Variants in MYBL1 observed in about 807,000 individuals in gnomAD.
The protein encoded by MYBL1 is MYB proto-oncogene like 1.
In MYBL1, 17 loss-of-function variants were observed where a neutral mutation model predicts 96.3. The ratio of observed to expected loss-of-function variants is 0.18; its 90% CI spans 0.12 to 0.26. The LOEUF is 0.26. Ranked by LOEUF, MYBL1 falls within the 10% of genes least tolerant of loss-of-function variation. The pLI, the probability that MYBL1 is intolerant of heterozygous loss-of-function variation, is 1.00. For synonymous variants in MYBL1, 282 were observed against 292.7 expected, an observed-to-expected ratio of 0.96 and a Z score of 0.37; for missense variants, 701 against 882.9, an observed-to-expected ratio of 0.79 and a Z score of 2.61.
chr8:66,592,531 T>C lies in MYBL1; in HGVS notation c.776A>G (p.Asp259Gly). The C allele has an allele frequency of 6.3e-7, 1 of 1,590,700 alleles. No homozygotes were observed. The highest frequency in any genetic ancestry group is 8.5e-7 in the Non-Finnish European group (1 of 1,171,368). ...TSAFIQQPFI[D>G]EDPDKEKKIK... ...TTTCTTTTCCTTATCAGGATCTTCATCAATGAAGGGTTGCTAAAATAAGTT... is the reference window on the plus strand; with the variant it reads ...TTTCTTTTCCTTATCAGGATCTTCACCAATGAAGGGTTGCTAAAATAAGTT... Residue 259 changes from aspartate to glycine, a missense_variant, in exon 8 of 16, where the codon GAT becomes GGT. Coordinates refer to ENST00000522677, the MANE Select transcript of MYBL1 (RefSeq NM_001080416.4).
chr8:66,580,613 T>G (rs1175814076), intron 8 of MYBL1, among the ~76,000 whole-genome samples: 1 of 152,198 alleles, frequency 6.6e-6, no homozygotes, highest in African/African-American at 2.4e-5. Context: ...GTCCAAACTC[T>G]TAGAATCTGG....
chr8:66,598,298 C>G (rs1809930305), intron 4 of MYBL1, among the ~76,000 whole-genome samples: 1 of 152,164 alleles, frequency 6.6e-6, no homozygotes, highest in African/African-American at 2.4e-5. Context: ...GGCATGATGG[C>G]TCAGCCTCTA....
chr8:66,589,538 G>A (rs1005914003), intron 8 of MYBL1, among the ~76,000 whole-genome samples: 6 of 151,868 alleles, frequency 4.0e-5, no homozygotes, highest in Non-Finnish European at 7.4e-5. Context: ...TGGAGTGCAG[G>A]GGTGTGATAA....
At position 66,602,463 on chromosome 8, in the gene MYBL1, T is replaced by G; in HGVS notation, c.81A>C (p.Lys27Asn). Residue 27 changes from lysine (K) to asparagine (N), a missense_variant, in exon 2 of 16, where the codon AAA (lysine) becomes AAC (asparagine). Lys to Asn is a moderately conservative substitution (Grantham distance 94). Coordinates refer to ENST00000522677, the MANE Select transcript of MYBL1 (RefSeq NM_001080416.4). ...ADHDYEVPQQ[K>N]GLKKLWNRVK... ...CTCTGTTCCAGAGTTTCTTCAGTCC[T>G]TTTTGTTGTGGTACTTCATAATCAT... 1 of 1,607,346 alleles carries G rather than the reference T, an allele frequency of 6.2e-7. No individual in the cohort carries two copies. Among genetic ancestry groups the G allele is most frequent in the South Asian group, 1.1e-5 (1 of 90,800 alleles).
chr8:66,605,573 C>T (rs1013982279), intron 1 of MYBL1, among the ~76,000 whole-genome samples: 3 of 152,182 alleles, frequency 2.0e-5, no homozygotes, highest in African/African-American at 7.2e-5. Context: ...GTAATCCCAG[C>T]ACTTTGGGAG....
chr8:66,575,908 T>A, intron 10 of MYBL1, 99 bp downstream of exon 10: 1 of 1,214,430 alleles, frequency 8.2e-7, no homozygotes, highest in Non-Finnish European at 1.1e-6. Flanking sequence ...ATTATTTTTA[T>A]ATGTTATCAA....
intron 1 of MYBL1, among the ~76,000 whole-genome samples, chr8:66,605,453 T>C (rs912215003): frequency 2.6e-5 from 4 of 152,042 alleles, no homozygotes; most frequent in Non-Finnish European, 5.9e-5. Context: ...GAACCTGAGT[T>C]TTGATGGAGT....
At chr8:66,597,252 C>T in intron 5 of MYBL1, 78 bp downstream of exon 5, 1 of 1,028,308 alleles carries the variant, frequency 9.7e-7, no homozygotes, top group Non-Finnish European at 1.3e-6. Context: ...TCATCGGGGA[C>T]TTGCAAATGT....
In MYBL1 at chr8:66,562,560, A is replaced by G. The variant is rs1359517743; in HGVS notation, c.*2137T>C. 1 of 152,654 alleles carries G rather than the reference A, an allele frequency of 6.6e-6. No homozygotes were observed. Among genetic ancestry groups the G allele is most frequent in the African/African-American group, 2.4e-5 (1 of 41,462 alleles). The allele number at this position is 152,654 out of a possible 1,614,324, so 9.5% of individuals were successfully genotyped here. ...TCCAATAAGCCCAGACTTATCCACA[A>G]TATATTACCATTTAGGATAATTTAA... On this transcript the variant is annotated 3_prime_UTR_variant, in exon 16 of 16. Coordinates refer to ENST00000522677, the MANE Select transcript of MYBL1 (RefSeq NM_001080416.4).
At chr8:66,573,656 T>C (rs1420288572) in intron 10 of MYBL1, 150 bp from the exon 11 acceptor site, 3 of 666,862 alleles carry the variant, frequency 4.5e-6, no homozygotes, top group Admixed American at 4.1e-5. Context: ...GAAATTATGC[T>C]CCATGAGGGT....
chr8:66,596,399 T>TA (rs1348879585), intron 5 of MYBL1, among the ~76,000 whole-genome samples: 1 of 152,176 alleles, frequency 6.6e-6, no homozygotes, highest in African/African-American at 2.4e-5. Context: ...AACCTATGGT[T>TA]ACTTGCAAAT....
rs1422415852 is a variant in MYBL1 at position 66,563,805 on chromosome 8, G to A, written c.*892C>T. The A allele has an allele frequency of 6.6e-6, 1 of 152,470 alleles. No homozygotes were observed. Among genetic ancestry groups the A allele is most frequent in the Non-Finnish European group, 1.5e-5 (1 of 67,956 alleles). 9.4% of individuals were successfully genotyped at this position (152,470 alleles called of 1,614,324 possible). On this transcript the variant is annotated 3_prime_UTR_variant, in exon 16 of 16. Coordinates refer to ENST00000522677, the MANE Select transcript of MYBL1 (RefSeq NM_001080416.4). Reference sequence around the variant, plus strand: ...AACATTTAGGTAGATGTGACATACAGTATAGATATTGTATTCTTTGCAGCT... The same window carrying A: ...AACATTTAGGTAGATGTGACATACAATATAGATATTGTATTCTTTGCAGCT...
rs577688606 is a variant in MYBL1 at position 66,593,398 on chromosome 8, G to A, written c.688-204C>T. On this transcript the variant is annotated intron_variant, in intron 6 of 15. Transcript: ENST00000522677. Reference sequence around the variant, plus strand: ...CTCCTAGAATCTATGATTAAAAGTCGTAACACTTAGAAAAGACTTTTTTTC... The same window carrying A: ...CTCCTAGAATCTATGATTAAAAGTCATAACACTTAGAAAAGACTTTTTTTC... Among the ~76,000 whole-genome samples the A allele has an allele frequency of 1.1e-3, 164 of 152,160 alleles. 1 individual carries two copies. Among genetic ancestry groups the A allele is most frequent in the African/African-American group, 3.9e-3 (161 of 41,518 alleles).
chr8:66,585,765 A>C (rs1809394104), intron 8 of MYBL1, among the ~76,000 whole-genome samples: 1 of 152,132 alleles, frequency 6.6e-6, no homozygotes, highest in Non-Finnish European at 1.5e-5. Flanking sequence ...AAAACATAGG[A>C]GAAATGTTTT....
chr8:66,566,607 A>C, intron 14 of MYBL1, 77 bp downstream of exon 14: 5 of 949,242 alleles, frequency 5.3e-6, no homozygotes, highest in Non-Finnish European at 6.2e-6. Context: ...AACTGGCTAC[A>C]CAATGAGTAA....
At chr8:66,589,903 C>G (rs1311739555) in intron 8 of MYBL1, among the ~76,000 whole-genome samples, 3 of 152,116 alleles carry the variant, frequency 2.0e-5, no homozygotes, top group African/African-American at 7.2e-5. Context: ...AATCTCGTCT[C>G]TACAAAAAGT....
chr8:66,613,047 C>G lies in MYBL1; in HGVS notation c.-209G>C. 2.1e-6 allele frequency: 1 copy of G among 465,670 alleles called. No homozygotes were observed. The highest frequency in any genetic ancestry group is 3.5e-6 in the Non-Finnish European group (1 of 283,942). 28.8% of individuals were successfully genotyped at this position (465,670 alleles called of 1,614,324 possible). ...CGACCCCGACCCCGGCCCGCAGCGC[C>G]GCTCTTAGCCCCGGCCCGGCCCGGC... On this transcript the variant is annotated 5_prime_UTR_variant, in exon 1 of 16. Transcript: ENST00000522677.
At chr8:66,597,263 A>G (rs1036540222) in intron 5 of MYBL1, 67 bp downstream of exon 5, 2 of 1,143,818 alleles carry the variant, frequency 1.7e-6, no homozygotes, top group Non-Finnish European at 2.4e-6. Context: ...TTGCAAATGT[A>G]TTTAACAGTA....
chr8:66,582,541 C>CAAAAAAA (rs34952299), intron 8 of MYBL1, among the ~76,000 whole-genome samples: 1 of 48,260 alleles, frequency 2.1e-5, no homozygotes, highest in African/African-American at 8.1e-5. Flanking sequence ...TCCATCTCTA[C>CAAAAAAA]AAAAAAAAAA....
Sources: gnomAD v4.1 joint callset for allele counts (sites outside exome capture counted in the v4.1 genomes callset) on GRCh38, gnomAD v4.1.1 for gene constraint, MANE v1.5 for transcripts, NCBI Gene and HGNC (gene_info 2026-07-23, HGNC 2026-07-21) for gene names.